Variants in GPC6 observed in about 807,000 individuals in gnomAD.
The protein encoded by GPC6 is glypican-6.
Under a neutral mutation model 55.2 loss-of-function variants are expected in GPC6, and 14 were observed. That is an observed-to-expected ratio of 0.25 (90% CI 0.17 to 0.40). GPC6 has a LOEUF of 0.40. Ranked by LOEUF, GPC6 falls within the 10% of genes least tolerant of loss-of-function variation. The pLI is 1.00. For synonymous variants in GPC6, 278 were observed against 259.6 expected, an observed-to-expected ratio of 1.07 and a Z score of -0.68; for missense variants, 641 against 708.5, an observed-to-expected ratio of 0.90 and a Z score of 1.08.
At chr13:93,238,344 A>ATGG (rs1876310772) in intron 1 of GPC6, among the ~76,000 whole-genome samples, 1 of 152,120 alleles carries the variant, frequency 6.6e-6, no homozygotes, top group Non-Finnish European at 1.5e-5. Context: ...CAGCTATTGT[A>ATGG]AATGGGATGG....
intron 4 of GPC6, among the ~76,000 whole-genome samples, chr13:94,236,825 G>A (rs888302352): frequency 2.0e-5 from 3 of 151,912 alleles, no homozygotes; most frequent in Non-Finnish European, 4.4e-5. Flanking sequence ...GGCAAGAATG[G>A]AGACAGAGTT....
chr13:94,312,164 A>G (rs2139119099), intron 6 of GPC6, among the ~76,000 whole-genome samples: 2 of 152,354 alleles, frequency 1.3e-5, no homozygotes, highest in South Asian at 4.1e-4. Flanking sequence ...GGCCAAAACA[A>G]ACAAACAACA....
chr13:93,951,246 G>A (rs1431564759), intron 3 of GPC6, among the ~76,000 whole-genome samples: 1 of 152,050 alleles, frequency 6.6e-6, no homozygotes, highest in East Asian at 1.9e-4. Context: ...CCTGCTTGAT[G>A]CCTTCCTCAC....
chr13:93,405,544 C>T (rs1876254700), intron 1 of GPC6, among the ~76,000 whole-genome samples: 1 of 152,092 alleles, frequency 6.6e-6, no homozygotes, highest in Non-Finnish European at 1.5e-5. Flanking sequence ...ATCATTTTGT[C>T]CGTGCACACT....
chr13:93,240,072 A>G lies in GPC6; in HGVS notation c.160+12456A>G, dbSNP rs764181248. ...TATTGTATGGTCTATCTTGGAAACT[A>G]TTCCATGTGCTTATGACAAGAATGT... On this transcript the variant is annotated intron_variant, in intron 1 of 8. Transcript: ENST00000377047. 3.2e-4 allele frequency among the ~76,000 whole-genome samples: 48 copies of G among 152,162 alleles called. 1 individual carries two copies. Among genetic ancestry groups the G allele is most frequent in the Non-Finnish European group, 5.4e-4 (37 of 67,932 alleles).
intron 3 of GPC6, among the ~76,000 whole-genome samples, chr13:93,913,670 T>A (rs1406247442): frequency 6.6e-6 from 1 of 152,222 alleles, no homozygotes; most frequent in Non-Finnish European, 1.5e-5. Flanking sequence ...CATTTTTTTC[T>A]TTCCTCTGTT....
intron 1 of GPC6, among the ~76,000 whole-genome samples, chr13:93,455,118 A>C (rs946026226): frequency 1.3e-5 from 2 of 152,104 alleles, no homozygotes; most frequent in African/African-American, 2.4e-5. Context: ...CCGGAACTCC[A>C]GCTGGCCCGC....
intron 2 of GPC6, among the ~76,000 whole-genome samples, chr13:93,647,081 T>C (rs1880205912): frequency 6.6e-6 from 1 of 152,170 alleles, no homozygotes; most frequent in South Asian, 2.1e-4. Flanking sequence ...TTTCTTTGAC[T>C]AGCCATCTAA....
chr13:94,340,866 T>C (rs1877999318), intron 6 of GPC6, among the ~76,000 whole-genome samples: 1 of 152,260 alleles, frequency 6.6e-6, no homozygotes, highest in Non-Finnish European at 1.5e-5. Context: ...AAGGTTTTAA[T>C]ATGCGCCCCT....
intron 2 of GPC6, among the ~76,000 whole-genome samples, chr13:93,576,482 T>A (rs1566431795): frequency 6.6e-6 from 1 of 152,198 alleles, no homozygotes; most frequent in Non-Finnish European, 1.5e-5. Context: ...AGTTTTTGGC[T>A]GTGTACTCTG....
At chr13:94,162,119 C>A (rs1888189190) in intron 4 of GPC6, among the ~76,000 whole-genome samples, 1 of 152,148 alleles carries the variant, frequency 6.6e-6, no homozygotes, top group Admixed American at 6.5e-5. Context: ...GGTGGGGACA[C>A]AGCCAAACCA....
At chr13:94,402,952 G>T (rs574601765) in intron 8 of GPC6, 63 bp from the exon 9 acceptor site, 15 of 1,151,740 alleles carry the variant, frequency 1.3e-5, no homozygotes, top group Non-Finnish European at 2.0e-5. Context: ...TGAGATTTGG[G>T]TGGGGCCACA....
chr13:94,163,423 A>G (rs1465069524), intron 4 of GPC6, among the ~76,000 whole-genome samples: 1 of 151,984 alleles, frequency 6.6e-6, no homozygotes. Context: ...TCATGTATGT[A>G]TCTCCAAGAA....
At chr13:93,500,225 T>C (rs767118355) in intron 1 of GPC6, among the ~76,000 whole-genome samples, 3 of 152,212 alleles carry the variant, frequency 2.0e-5, no homozygotes, top group African/African-American at 4.8e-5. Flanking sequence ...TCTTAAGTGC[T>C]GGCAGAAGAG....
At chr13:94,084,372 A>G (rs1020491398) in intron 4 of GPC6, among the ~76,000 whole-genome samples, 1 of 152,172 alleles carries the variant, frequency 6.6e-6, no homozygotes, top group Non-Finnish European at 1.5e-5. Flanking sequence ...ATGCAACTTC[A>G]TTATATATAT....
chr13:94,343,567 T>C (rs969761201), intron 6 of GPC6, among the ~76,000 whole-genome samples: 48 of 152,074 alleles, frequency 3.2e-4, no homozygotes, highest in African/African-American at 1.1e-3. Context: ...TCGAAGAGCA[T>C]GAAATAGGGA....
At chr13:93,693,388 C>T (rs1882326459) in intron 2 of GPC6, among the ~76,000 whole-genome samples, 1 of 151,388 alleles carries the variant, frequency 6.6e-6, no homozygotes. Flanking sequence ...TCTCCAAGGC[C>T]AATCTGTAAT....
rs1211964398 is a variant in GPC6, at chr13:93,459,591, C to T, written c.161-85672C>T. On this transcript the variant is annotated intron_variant, in intron 1 of 8. Transcript: ENST00000377047. ...TGCACTAGTGGTTTTCTTACATAGA[C>T]GAGTTCAGAGAAAGTATGGGTCCCC... Among the ~76,000 whole-genome samples the T allele has an allele frequency of 3.9e-5, 6 of 152,148 alleles. No individual in the cohort carries two copies. In the East Asian group the frequency reaches 5.8e-4, roughly 15 times the overall value.
At chr13:94,274,743 T>C (rs1892150476) in intron 4 of GPC6, among the ~76,000 whole-genome samples, 1 of 134,810 alleles carries the variant, frequency 7.4e-6, no homozygotes, top group East Asian at 2.1e-4. Flanking sequence ...GCCAAAAATA[T>C]CAACATCTTT....
Sources: gnomAD v4.1 joint callset for allele counts (sites outside exome capture counted in the v4.1 genomes callset) on GRCh38, gnomAD v4.1.1 for gene constraint, MANE v1.5 for transcripts, NCBI Gene and HGNC (gene_info 2026-07-23, HGNC 2026-07-21) for gene names.